The following HSD17B12 variants were observed in gnomAD, a reference collection of about 807,000 sequenced individuals.
HSD17B12 encodes the protein hydroxysteroid 17-beta dehydrogenase 12, also known as very-long-chain 3-oxoacyl-CoA reductase.
HSD17B12 carries 32 observed loss-of-function variants against 39.3 expected under a neutral mutation model. The ratio of observed to expected loss-of-function variants is 0.81; its 90% CI spans 0.61 to 1.09. HSD17B12 has a LOEUF of 1.09. Among genes scored for constraint, HSD17B12 ranks in the 50% least tolerant of loss-of-function variants. The pLI is 0.00. For synonymous variants in HSD17B12, 150 were observed against 146.7 expected, an observed-to-expected ratio of 1.02 and a Z score of -0.16; for missense variants, 342 against 382.9, an observed-to-expected ratio of 0.89 and a Z score of 0.89.
At chr11:43,672,069 G>A in the HSD17B12 span, among the ~76,000 whole-genome samples, 1 of 151,952 alleles carries the variant, frequency 6.6e-6, no homozygotes, top group Admixed American at 6.6e-5. Flanking sequence ...TTTTTTTAGA[G>A]ACCGAGTCTC....
chr11:43,820,900 G>A (rs1450848469), intron 6 of HSD17B12, among the ~76,000 whole-genome samples: 1 of 152,180 alleles, frequency 6.6e-6, no homozygotes, highest in African/African-American at 2.4e-5. Flanking sequence ...CATTCCTTCA[G>A]ATCCACCTAT....
At chr11:43,695,691 C>G (rs117006575) in intron 1 of HSD17B12, among the ~76,000 whole-genome samples, 3 of 151,862 alleles carry the variant, frequency 2.0e-5, no homozygotes, top group South Asian at 2.1e-4. Context: ...TCTTCTTCTT[C>G]TTTTTAAGCC....
At chr11:43,684,085 C>T (rs1949775509) in intron 1 of HSD17B12, among the ~76,000 whole-genome samples, 1 of 152,240 alleles carries the variant, frequency 6.6e-6, no homozygotes. Flanking sequence ...GGCCCACACT[C>T]TAATTTATCT....
chr11:43,755,245 C>T (rs1023734967), intron 3 of HSD17B12: 6 of 175,068 alleles, frequency 3.4e-5, no homozygotes, highest in African/African-American at 7.1e-5. Flanking sequence ...AAAAATTGGC[C>T]GTCAAATTAG....
chr11:43,854,708 T>A lies in HSD17B12; in HGVS notation c.685-7T>A. The A allele has an allele frequency of 6.2e-7, 1 of 1,613,136 alleles. No individual in the cohort carries two copies. Among genetic ancestry groups the A allele is most frequent in the Non-Finnish European group, 8.5e-7 (1 of 1,179,980 alleles). On this transcript the variant is annotated splice_region_variant and splice_polypyrimidine_tract_variant and intron_variant, in intron 9 of 10. Coordinates refer to ENST00000278353, the MANE Select transcript of HSD17B12 (RefSeq NM_016142.3). ...CATGTTTTCTGGGGTGGGTGTTCCC[T>A]TTCTAGAGTGTCCTGCCATACTTCG... is the stretch of plus-strand genomic sequence containing the variant.
chr11:43,676,544 G>C (rs1188653320), upstream of HSD17B12, among the ~76,000 whole-genome samples: 3 of 152,122 alleles, frequency 2.0e-5, no homozygotes, highest in Admixed American at 6.5e-5. Context: ...GGAAAGCAGT[G>C]GCCACTCCCT....
Position 43,836,372 on chromosome 11 carries a change from A to G in HSD17B12, c.537-1945A>G, listed in dbSNP as rs567555814. Among the ~76,000 whole-genome samples, 165 of 152,286 alleles carry G rather than the reference A, an allele frequency of 1.1e-3. 2 individuals carry two copies. The highest frequency in any genetic ancestry group is 2.2e-3 in the Non-Finnish European group (148 of 68,004). On this transcript the variant is annotated intron_variant, in intron 7 of 10. Coordinates refer to ENST00000278353, the MANE Select transcript of HSD17B12 (RefSeq NM_016142.3). Reference sequence around the variant, plus strand: ...GCAGGAGAAGGGTTGACTTGTCAAGATTGAGGGTTACTTCTTAGAAAGCAT... The same window carrying G: ...GCAGGAGAAGGGTTGACTTGTCAAGGTTGAGGGTTACTTCTTAGAAAGCAT...
chr11:43,651,663 C>T, the HSD17B12 span, among the ~76,000 whole-genome samples: 2 of 152,218 alleles, frequency 1.3e-5, no homozygotes, highest in Admixed American at 1.3e-4. Flanking sequence ...TCCCTGCAAC[C>T]TCTGCCTCCT....
chr11:43,775,936 A>T (rs574381665), intron 3 of HSD17B12, among the ~76,000 whole-genome samples: 14 of 152,130 alleles, frequency 9.2e-5, no homozygotes, highest in African/African-American at 2.7e-4. Context: ...AAGGACATGA[A>T]CTCATCATTT....
intron 1 of HSD17B12, among the ~76,000 whole-genome samples, chr11:43,691,247 C>T (rs1949859806): frequency 6.6e-6 from 1 of 152,174 alleles, no homozygotes; most frequent in Non-Finnish European, 1.5e-5. Context: ...TCCAGGTAAC[C>T]AGGCATGGTC....
chr11:43,819,682 G>A (rs1479693389), intron 6 of HSD17B12, among the ~76,000 whole-genome samples: 1 of 152,140 alleles, frequency 6.6e-6, no homozygotes, highest in Non-Finnish European at 1.5e-5. Context: ...CCCATGAAAT[G>A]AGTTAGTGGA....
intron 1 of HSD17B12, among the ~76,000 whole-genome samples, chr11:43,725,121 TC>T (rs1263937232): frequency 6.6e-6 from 1 of 152,160 alleles, no homozygotes; most frequent in Admixed American, 6.5e-5. Context: ...TATGTATATT[TC>T]ACAGACATGG....
intron 7 of HSD17B12, among the ~76,000 whole-genome samples, chr11:43,834,941 A>G (rs1454142063): frequency 6.6e-6 from 1 of 152,196 alleles, no homozygotes; most frequent in African/African-American, 2.4e-5. Context: ...CCACTGAGAC[A>G]GCATTGTGTG....
the HSD17B12 span, among the ~76,000 whole-genome samples, chr11:43,598,020 C>T: frequency 6.6e-6 from 1 of 152,120 alleles, no homozygotes; most frequent in Non-Finnish European, 1.5e-5. Context: ...TATGATGACA[C>T]CATTCATATG....
intron 1 of HSD17B12, among the ~76,000 whole-genome samples, chr11:43,698,539 G>A (rs1236783266): frequency 6.6e-6 from 1 of 152,224 alleles, no homozygotes; most frequent in Non-Finnish European, 1.5e-5. Context: ...AGAAAGTATA[G>A]TGGAAAGAAC....
chr11:43,582,687 T>C, the HSD17B12 span, among the ~76,000 whole-genome samples: 2 of 152,168 alleles, frequency 1.3e-5, no homozygotes, highest in Admixed American at 6.5e-5. Flanking sequence ...GTCATTAACC[T>C]GTCCGCTGGT....
At chr11:43,811,009 T>A (rs181095929) in intron 4 of HSD17B12, among the ~76,000 whole-genome samples, 76 of 152,282 alleles carry the variant, frequency 5.0e-4, no homozygotes, top group Admixed American at 1.4e-3. Flanking sequence ...TCCTGTAATA[T>A]GTAAAGATGG....
chr11:43,603,964 C>T, the HSD17B12 span, among the ~76,000 whole-genome samples: 5 of 152,046 alleles, frequency 3.3e-5, no homozygotes, highest in Non-Finnish European at 7.4e-5. Flanking sequence ...ACTAACCTGA[C>T]AATTTTGTGG....
rs568178462 is a variant in HSD17B12 at position 43,849,743 on chromosome 11, T to C, written c.685-4972T>C. Among the ~76,000 whole-genome samples, 94 of 152,212 alleles carry C rather than the reference T, an allele frequency of 6.2e-4. 1 individual carries two copies. The highest frequency in any genetic ancestry group is 1.1e-3 in the Non-Finnish European group (73 of 68,046). On this transcript the variant is annotated intron_variant, in intron 9 of 10. Coordinates refer to ENST00000278353, the MANE Select transcript of HSD17B12 (RefSeq NM_016142.3). ...CAATACTGTACACCTTTGTTTTAAT[T>C]ATTATTTGTTTGTGGTCTATATCCT...
Sources: allele counts gnomAD v4.1 joint callset (sites outside exome capture counted in the v4.1 genomes callset), GRCh38; gene constraint gnomAD v4.1.1; transcripts MANE v1.5; gene names NCBI Gene and HGNC (gene_info 2026-07-23, HGNC 2026-07-21).